The following GJA8 variants were observed in gnomAD, a reference collection of about 807,000 sequenced individuals.
GJA8 encodes gap junction alpha-8 protein.
Under a neutral mutation model 15.3 loss-of-function variants are expected in GJA8, and 13 were observed. The observed-to-expected ratio is 0.85, with a 90% CI of 0.55 to 1.35. The LOEUF (loss-of-function observed/expected upper bound fraction) is 1.35, where lower values mean the gene tolerates loss of function less well. Among genes scored for constraint, GJA8 ranks in the 40% most tolerant of loss-of-function variants. The pLI, the probability that GJA8 is intolerant of heterozygous loss-of-function variation, is 0.00. For missense variants in GJA8, 607 were observed against 553.3 expected (o/e 1.10, Z -0.97); for synonymous variants, 304 against 238.7 (o/e 1.27, Z -2.52).
Position 147,908,443 on chromosome 1 carries a change from T to A in GJA8, c.488T>A (p.Val163Glu), listed in dbSNP as rs587625946. The change falls in exon 2 of 2, where the codon GTG becomes GAG. Residue 163 changes from valine to glutamate, a missense_variant. Coordinates refer to ENST00000369235, the MANE Select transcript of GJA8 (RefSeq NM_005267.5). The part of the protein sequence containing the change: ...CHIIFKTLFE[V>E]GFIVGHYFLY... ...ATCATCTTCAAGACCCTCTTTGAAG[T>A]GGGCTTCATCGTGGGCCACTACTTC... 1 of 1,614,170 alleles carries A rather than the reference T, an allele frequency of 6.2e-7. No homozygotes were observed. The highest frequency in any genetic ancestry group is 1.3e-5 in the African/African-American group (1 of 75,034).
Position 147,906,353 on chromosome 1 carries a change from G to A in GJA8, c.-11-1592G>A, listed in dbSNP as rs587662455. On this transcript the variant is annotated intron_variant, in intron 1 of 1. Coordinates refer to ENST00000369235, the MANE Select transcript of GJA8 (RefSeq NM_005267.5). ...TGCTCATCATTCTTTATAGGTTACAGGTTTGCACTGGATGAATGACCCAGT... is the reference window on the plus strand; with the variant it reads ...TGCTCATCATTCTTTATAGGTTACAAGTTTGCACTGGATGAATGACCCAGT... Among the ~76,000 whole-genome samples the A allele has an allele frequency of 2.6e-5, 4 of 152,320 alleles. No individual in the cohort carries two copies. The South Asian group carries it at 8.3e-4, about 32-fold the overall frequency.
chr1:147,908,807 TG>T lies in GJA8; in HGVS notation c.855del (p.Met286TrpfsTer71), dbSNP rs1553242865. 6 of 1,614,190 alleles carry T rather than the reference TG, an allele frequency of 3.7e-6. No homozygotes were observed. The East Asian group carries it at 1.3e-4, about 36-fold the overall frequency. On this transcript the variant is annotated frameshift_variant, in exon 2 of 2. Transcript: ENST00000369235. LOFTEE classifies it low-confidence loss of function (END_TRUNC). ...CCCACTATTTCCCCTTGACCGAGGT[TG>T]GGATGGTGGAGACCAGCCCACTGCC... The part of the protein sequence containing the change: ...VSHYFPLTEV[G>X]MVETSPLPAK...
chr1:147,908,828 A>G lies in GJA8; in HGVS notation c.873A>G (p.Pro291=). 6.2e-7 allele frequency: 1 copy of G among 1,614,188 alleles called. No homozygotes were observed. The highest frequency in any genetic ancestry group is 8.5e-7 in the Non-Finnish European group (1 of 1,180,040). Residue 291 remains proline (P), a synonymous_variant, in exon 2 of 2, where the codon CCA becomes CCG. Transcript: ENST00000369235. ...LTEVGMVETS[P]LPAKPFNQFE... is the part of the protein sequence containing the mutation. ...AGGTTGGGATGGTGGAGACCAGCCC[A>G]CTGCCTGCCAAGCCTTTCAATCAGT... is the stretch of plus-strand genomic sequence containing the variant.
rs1651897205 is a variant in GJA8, at chr1:147,908,324, C to T, written c.369C>T (p.Gly123=). Residue 123 remains glycine (G), a synonymous_variant, in exon 2 of 2, where the codon GGC becomes GGT. Coordinates refer to ENST00000369235, the MANE Select transcript of GJA8 (RefSeq NM_005267.5). ...ELGQQAGTNG[G]PDQGSVKKSS... The stretch of plus-strand genomic sequence containing the variant: ...GCCAGCAGGCGGGGACTAACGGCGG[C>T]CCGGACCAGGGCAGCGTCAAGAAGA... 1.2e-6 allele frequency: 2 copies of T among 1,614,158 alleles called. No homozygotes were observed. The highest frequency in any genetic ancestry group is 1.1e-5 in the South Asian group (1 of 91,080).
At chr1:147,907,120 C>T (rs1039662556) in intron 1 of GJA8, among the ~76,000 whole-genome samples, 16 of 152,018 alleles carry the variant, frequency 1.1e-4, no homozygotes, top group African/African-American at 3.9e-4. Flanking sequence ...CTCCTGGGCT[C>T]AAGTGATTCT....
chr1:147,912,843 A>G (rs1652224428), downstream of GJA8, among the ~76,000 whole-genome samples: 1 of 151,772 alleles, frequency 6.6e-6, no homozygotes. Flanking sequence ...GTTCAGTGAG[A>G]AAGTTTTGAG....
chr1:147,907,908 G>A (rs1553242483), intron 1 of GJA8, 37 bp from the exon 2 acceptor site: 1 of 1,445,850 alleles, frequency 6.9e-7, no homozygotes, highest in Non-Finnish European at 9.7e-7. Context: ...GTTGCATTGC[G>A]GCCGCTCAGC....
chr1:147,911,685 C>T (rs1242622888), downstream of GJA8, among the ~76,000 whole-genome samples: 1 of 152,176 alleles, frequency 6.6e-6, no homozygotes, highest in African/African-American at 2.4e-5. Context: ...ACTCTAATGG[C>T]TGCACTATTG....
chr1:147,910,487 G>A (rs147317546), downstream of GJA8, among the ~76,000 whole-genome samples: 374 of 152,292 alleles, frequency 2.5e-3, 2 homozygotes, highest in African/African-American at 7.7e-3. Flanking sequence ...GCAATGATAT[G>A]CTTTGTATTG....
chr1:147,903,934 C>CTTTT (rs56033018), intron 1 of GJA8, among the ~76,000 whole-genome samples: 3,758 of 134,578 alleles, frequency 0.028, 140 homozygotes, highest in Non-Finnish European at 0.044. Flanking sequence ...TTTAATAACT[C>CTTTT]TTTTTTTTTT....
chr1:147,908,370 A>G lies in GJA8; in HGVS notation c.415A>G (p.Lys139Glu), dbSNP rs1553242688. The G allele has an allele frequency of 7.4e-6, 12 of 1,614,168 alleles. No homozygotes were observed. Among genetic ancestry groups the G allele is most frequent in the South Asian group, 3.3e-5 (3 of 91,082 alleles). ...VKKSSGSKGT[K>E]KFRLEGTLLR... Reference sequence around the variant, plus strand: ...GAAGAGCAGCGGCAGCAAAGGCACTAAGAAGTTCCGGCTGGAGGGGACCCT... The same window carrying G: ...GAAGAGCAGCGGCAGCAAAGGCACTGAGAAGTTCCGGCTGGAGGGGACCCT... The change falls in exon 2 of 2, where the codon AAG (lysine) becomes GAG (glutamate). Residue 139 changes from lysine (K) to glutamate (E), a missense_variant. By Grantham distance (56) the Lys-to-Glu change is moderately conservative (BLOSUM62 1). Coordinates refer to ENST00000369235, the MANE Select transcript of GJA8 (RefSeq NM_005267.5).
In GJA8 at chr1:147,908,252, C is replaced by T. The variant is rs142426709; in HGVS notation, c.297C>T (p.Tyr99=). The T allele has an allele frequency of 4.8e-5, 77 of 1,614,100 alleles. No individual in the cohort carries two copies. The highest frequency in any genetic ancestry group is 3.9e-4 in the African/African-American group (29 of 74,936). ...SLMYVGHAVH[Y]VRMEEKRKSR... Reference sequence around the variant, plus strand: ...TGTACGTGGGGCACGCGGTGCACTACGTCCGCATGGAGGAGAAGCGCAAAA... The same window carrying T: ...TGTACGTGGGGCACGCGGTGCACTATGTCCGCATGGAGGAGAAGCGCAAAA... Residue 99 remains tyrosine, a synonymous_variant, in exon 2 of 2, where the codon TAC becomes TAT. Coordinates refer to ENST00000369235, the MANE Select transcript of GJA8 (RefSeq NM_005267.5).
rs1553242727 is a variant in GJA8, at chr1:147,908,480, C to G, written c.525C>G (p.Phe175Leu). ...FIVGHYFLYG[F>L]RILPLYRCSR... is the part of the protein sequence containing the mutation. Reference sequence around the variant, plus strand: ...TGGGCCACTACTTCCTGTACGGGTTCCGGATCCTGCCTCTGTACCGCTGCA... The same window carrying G: ...TGGGCCACTACTTCCTGTACGGGTTGCGGATCCTGCCTCTGTACCGCTGCA... The change falls in exon 2 of 2, where the codon TTC becomes TTG. Residue 175 changes from phenylalanine to leucine, a missense_variant. Physicochemically the swap from Phe to Leu is conservative, Grantham distance 22 (BLOSUM62 0). Coordinates refer to ENST00000369235, the MANE Select transcript of GJA8 (RefSeq NM_005267.5). 4.3e-6 allele frequency: 7 copies of G among 1,614,206 alleles called. No individual in the cohort carries two copies. In the East Asian group the frequency reaches 1.3e-4, roughly 31 times the overall value.
At chr1:147,909,986 A>C (rs1553243262), downstream of GJA8, among the ~76,000 whole-genome samples, 2 of 152,012 alleles carry the variant, frequency 1.3e-5, no homozygotes, top group Non-Finnish European at 2.9e-5. Flanking sequence ...TAGCCTCCCA[A>C]GTAGCTGGGA....
Position 147,908,202 on chromosome 1 carries a change from A to G in GJA8, c.247A>G (p.Ile83Val). 6.2e-7 allele frequency: 1 copy of G among 1,614,218 alleles called. No individual in the cohort carries two copies. The highest frequency in any genetic ancestry group is 8.5e-7 in the Non-Finnish European group (1 of 1,180,040). Residue 83 changes from isoleucine (I) to valine (V), a missense_variant, in exon 2 of 2, where the codon ATC (isoleucine) becomes GTC (valine). Coordinates refer to ENST00000369235, the MANE Select transcript of GJA8 (RefSeq NM_005267.5). The stretch of plus-strand genomic sequence containing the variant: ...CATTCGCCTCTGGGTGCTGCAGATC[A>G]TCTTCGTCTCCACCCCGTCCCTGAT... ...SHIRLWVLQI[I>V]FVSTPSLMYV... is the part of the protein sequence containing the mutation.
At position 147,908,543 on chromosome 1, in the gene GJA8, G is replaced by A. The variant is rs1651916742; in HGVS notation, c.588G>A (p.Val196=). The part of the protein sequence containing the change: ...WPCPNVVDCF[V]SRPTEKTIFI... ...GCCCCAATGTGGTGGACTGCTTCGT[G>A]TCCCGGCCCACGGAGAAAACCATCT... Residue 196 remains valine (V), a synonymous_variant, in exon 2 of 2, where the codon GTG becomes GTA. Coordinates refer to ENST00000369235, the MANE Select transcript of GJA8 (RefSeq NM_005267.5). 1 of 1,614,072 alleles carries A rather than the reference G, an allele frequency of 6.2e-7. No homozygotes were observed. Among genetic ancestry groups the A allele is most frequent in the Non-Finnish European group, 8.5e-7 (1 of 1,180,050 alleles).
chr1:147,903,351 A>G (rs1193243842), intron 1 of GJA8, among the ~76,000 whole-genome samples: 1 of 152,132 alleles, frequency 6.6e-6, no homozygotes, highest in African/African-American at 2.4e-5. Context: ...AGGACCATAA[A>G]ATTCCTCCTA....
In GJA8 at chr1:147,909,115, A is replaced by G. The variant is rs1553243021; in HGVS notation, c.1160A>G (p.Gln387Arg). ...AAGGAGGGTGAAAAAGAAGAGCCGC[A>G]GTCGGAGAAGGTGTCAAAGCAAGGG... is the stretch of plus-strand genomic sequence containing the variant. The part of the protein sequence containing the change: ...VDKEGEKEEP[Q>R]SEKVSKQGLP... Residue 387 changes from glutamine (Q) to arginine (R), a missense_variant, in exon 2 of 2, where the codon CAG (glutamine) becomes CGG (arginine). Coordinates refer to ENST00000369235, the MANE Select transcript of GJA8 (RefSeq NM_005267.5). 1 of 1,613,980 alleles carries G rather than the reference A, an allele frequency of 6.2e-7. No individual in the cohort carries two copies. Among genetic ancestry groups the G allele is most frequent in the East Asian group, 2.2e-5 (1 of 44,876 alleles).
chr1:147,911,748 C>T (rs1553243498), downstream of GJA8, among the ~76,000 whole-genome samples: 2 of 152,156 alleles, frequency 1.3e-5, no homozygotes, highest in Non-Finnish European at 1.5e-5. Flanking sequence ...TTATGAATAG[C>T]TTGATCATTA....
Sources: gnomAD v4.1 joint callset for allele counts (sites outside exome capture counted in the v4.1 genomes callset) on GRCh38, gnomAD v4.1.1 for gene constraint, MANE v1.5 for transcripts, NCBI Gene and HGNC (gene_info 2026-07-23, HGNC 2026-07-21) for gene names.